COL26A1: variants seen among roughly 807,000 people sequenced by gnomAD.
The protein encoded by COL26A1 is collagen type XXVI alpha 1 chain.
In COL26A1, 41 loss-of-function variants were observed where a neutral mutation model predicts 59.3. The ratio of observed to expected loss-of-function variants is 0.69; its 90% CI spans 0.54 to 0.90. COL26A1 has a LOEUF of 0.90. Among genes scored for constraint, COL26A1 ranks in the 40% least tolerant of loss-of-function variants. The pLI is 0.00. For synonymous variants in COL26A1, 266 were observed against 256.0 expected (o/e 1.04, Z -0.37); for missense variants, 612 against 602.3 (o/e 1.02, Z -0.17).
At chr7:101,463,684 CCT>C (rs1793674205) in intron 3 of COL26A1, among the ~76,000 whole-genome samples, 1 of 99,674 alleles carries the variant, frequency 1.0e-5, no homozygotes, top group Non-Finnish European at 1.9e-5. Context: ...CCTCCCGTCC[CCT>C]TTCTTTCTTT....
chr7:101,508,984 G>A (rs767279832), intron 3 of COL26A1, among the ~76,000 whole-genome samples: 10 of 152,132 alleles, frequency 6.6e-5, no homozygotes, highest in Non-Finnish European at 1.5e-4. Flanking sequence ...TAGTCTGAGT[G>A]AGGTTTACTT....
intron 1 of COL26A1, among the ~76,000 whole-genome samples, chr7:101,387,778 A>ATATATATATATTTTTT (rs773025730): frequency 2.4e-5 from 2 of 84,836 alleles, no homozygotes; most frequent in African/African-American, 9.9e-5. Context: ...ATATATATAT[A>ATATATATATATTTTTT]TTTTTTTTTA....
intron 2 of COL26A1, among the ~76,000 whole-genome samples, chr7:101,441,310 A>G (rs968354307): frequency 6.6e-6 from 1 of 152,016 alleles, no homozygotes; most frequent in Non-Finnish European, 1.5e-5. Context: ...TGAAGCTACT[A>G]TTATATTTAT....
At chr7:101,553,500 C>T (rs895666525) in intron 11 of COL26A1, 124 bp downstream of exon 11, 17 of 881,762 alleles carry the variant, frequency 1.9e-5, no homozygotes, top group East Asian at 2.6e-5. Context: ...GCTGGGCCAC[C>T]GGGTGTACAG....
chr7:101,441,320 T>C (rs758370928), intron 2 of COL26A1, among the ~76,000 whole-genome samples: 1 of 152,178 alleles, frequency 6.6e-6, no homozygotes, highest in South Asian at 2.1e-4. Context: ...ATTATATTTA[T>C]ATATTTTTTA....
chr7:101,494,849 T>G (rs527832887), intron 3 of COL26A1, among the ~76,000 whole-genome samples: 4 of 152,324 alleles, frequency 2.6e-5, no homozygotes, highest in Admixed American at 2.0e-4. Flanking sequence ...GAGCGTACAC[T>G]GCAGGTTGGA....
At chr7:101,526,079 G>C (rs763718992) in intron 3 of COL26A1, among the ~76,000 whole-genome samples, 1 of 150,212 alleles carries the variant, frequency 6.7e-6, no homozygotes, top group African/African-American at 2.5e-5. Context: ...ACAGAGTTTC[G>C]CTCTTGTTGC....
Position 101,555,797 on chromosome 7 carries a change from T to C in COL26A1, c.1091T>C (p.Val364Ala). ...EKAATAEGEG[V>A]QQLREALKIL... ...TTTCCTCCCCGCCAGGGCGAGGGGG[T>C]GCAGCAGCTGAGAGAGGCCCTGAAG... Residue 364 changes from valine (V) to alanine (A), a missense_variant, in exon 12 of 13, where the codon GTG becomes GCG. Transcript: ENST00000313669. 1 of 1,609,616 alleles carries C rather than the reference T, an allele frequency of 6.2e-7. No homozygotes were observed.
intron 2 of COL26A1, among the ~76,000 whole-genome samples, chr7:101,446,654 C>T (rs1793201964): frequency 6.6e-6 from 1 of 152,128 alleles, no homozygotes; most frequent in African/African-American, 2.4e-5. Context: ...CGAGAGCAGC[C>T]TCACAAACAT....
intron 1 of COL26A1, among the ~76,000 whole-genome samples, chr7:101,387,766 A>ATTTTTTTTTTTTTTT (rs1443633156): frequency 2.6e-5 from 1 of 38,744 alleles, no homozygotes; most frequent in African/African-American, 6.8e-5. Context: ...ATATATATAT[A>ATTTTTTTTTTTTTTT]TATATATATA....
intron 4 of COL26A1, among the ~76,000 whole-genome samples, chr7:101,534,483 C>T (rs1795436699): frequency 6.6e-6 from 1 of 152,130 alleles, no homozygotes; most frequent in Non-Finnish European, 1.5e-5. Context: ...TGTGGAGACA[C>T]ACATACATAT....
intron 1 of COL26A1, among the ~76,000 whole-genome samples, chr7:101,399,296 A>G (rs1791936147): frequency 6.6e-6 from 1 of 151,938 alleles, no homozygotes; most frequent in African/African-American, 2.4e-5. Context: ...ACAGAGTGAC[A>G]CTCTGTCCAA....
chr7:101,525,755 C>T (rs1795234176), intron 3 of COL26A1, among the ~76,000 whole-genome samples: 1 of 152,184 alleles, frequency 6.6e-6, no homozygotes, highest in Non-Finnish European at 1.5e-5. Flanking sequence ...CTTGGCCTCC[C>T]AAAGTGCTGG....
chr7:101,458,499 G>A (rs537753146), intron 3 of COL26A1, among the ~76,000 whole-genome samples: 5 of 152,120 alleles, frequency 3.3e-5, no homozygotes, highest in East Asian at 3.9e-4. Context: ...CTAGCCGGGC[G>A]TGGTGGTGCA....
At chr7:101,473,628 A>G (rs1442613218) in intron 3 of COL26A1, among the ~76,000 whole-genome samples, 1 of 148,234 alleles carries the variant, frequency 6.7e-6, no homozygotes, top group African/African-American at 2.5e-5. Flanking sequence ...ACACACACAC[A>G]CACACACACA....
chr7:101,553,249 G>T, intron 10 of COL26A1, 77 bp from the exon 11 acceptor site: 1 of 1,358,266 alleles, frequency 7.4e-7, no homozygotes, highest in Non-Finnish European at 1.0e-6. Flanking sequence ...CTCCCTGCAG[G>T]CCCCCAGGGA....
intron 1 of COL26A1, among the ~76,000 whole-genome samples, chr7:101,384,245 T>TTTTC (rs1791516891): frequency 1.3e-5 from 2 of 150,376 alleles, no homozygotes; most frequent in African/African-American, 4.9e-5. Context: ...TTTTTTTTTT[T>TTTTC]TTTTTTTTTA....
chr7:101,502,069 G>T (rs1558011), intron 3 of COL26A1, among the ~76,000 whole-genome samples: 6 of 152,090 alleles, frequency 3.9e-5, no homozygotes, highest in African/African-American at 9.7e-5. Flanking sequence ...ATGCTTGAAG[G>T]CCGGGTGCGG....
chr7:101,557,098 T>C (rs1795996769), intron 12 of COL26A1, among the ~76,000 whole-genome samples: 2 of 152,032 alleles, frequency 1.3e-5, no homozygotes, highest in South Asian at 4.1e-4. Context: ...AATGAGTGAC[T>C]GAGTGGGTGG....
Sources: gnomAD v4.1 joint callset for allele counts (sites outside exome capture counted in the v4.1 genomes callset) on GRCh38, gnomAD v4.1.1 for gene constraint, MANE v1.5 for transcripts, NCBI Gene and HGNC (gene_info 2026-07-23, HGNC 2026-07-21) for gene names.